NRG3: variants seen among roughly 807,000 people sequenced by gnomAD.
NRG3 encodes neuregulin 3, also known as pro-neuregulin-3, membrane-bound isoform.
In NRG3, 31 loss-of-function variants were observed where a neutral mutation model predicts 66.9. The ratio of observed to expected loss-of-function variants is 0.46; its 90% CI spans 0.35 to 0.63. The LOEUF (loss-of-function observed/expected upper bound fraction) is 0.63. Ranked by LOEUF, NRG3 falls within the 20% of genes least tolerant of loss-of-function variation. The probability of loss-of-function intolerance (pLI) is 0.00; values close to 1 mark genes in which losing one functional copy is unlikely to be tolerated. For missense variants in NRG3, 910 were observed against 878.9 expected (o/e 1.04, Z -0.45); for synonymous variants, 393 against 359.4 (o/e 1.09, Z -1.06).
intron 2 of NRG3, among the ~76,000 whole-genome samples, chr10:82,723,988 GTAAA>G (rs1565242403): frequency 6.9e-6 from 1 of 145,600 alleles, no homozygotes; most frequent in African/African-American, 2.7e-5. Flanking sequence ...TCAAAAAAAA[GTAAA>G]TAAATAAAAA....
At chr10:82,632,724 A>G (rs770810969) in intron 2 of NRG3, among the ~76,000 whole-genome samples, 6 of 152,218 alleles carry the variant, frequency 3.9e-5, no homozygotes, top group Non-Finnish European at 5.9e-5. Flanking sequence ...AATCATAGTA[A>G]TATAAATCGT....
intron 2 of NRG3, among the ~76,000 whole-genome samples, chr10:82,721,869 G>C (rs555942187): frequency 1.3e-5 from 2 of 151,904 alleles, no homozygotes; most frequent in South Asian, 4.2e-4. Flanking sequence ...GATTTAGAAT[G>C]GTATGTCTCA....
intron 2 of NRG3, among the ~76,000 whole-genome samples, chr10:82,672,956 G>A (rs1310732401): frequency 6.6e-6 from 1 of 152,192 alleles, no homozygotes; most frequent in Non-Finnish European, 1.5e-5. Context: ...TTACCATGTT[G>A]GCCAGGCTGG....
At chr10:82,946,635 A>T (rs1849047761) in intron 4 of NRG3, among the ~76,000 whole-genome samples, 1 of 152,142 alleles carries the variant, frequency 6.6e-6, no homozygotes, top group Non-Finnish European at 1.5e-5. Flanking sequence ...AGAGTGGTTG[A>T]TATGGGTGAG....
intron 1 of NRG3, among the ~76,000 whole-genome samples, chr10:82,091,635 A>G (rs770408096): frequency 2.0e-5 from 3 of 152,142 alleles, no homozygotes; most frequent in Non-Finnish European, 4.4e-5. Context: ...GTACAAACAG[A>G]TATTCGAGTC....
At chr10:82,271,783 T>G (rs995652791) in intron 1 of NRG3, among the ~76,000 whole-genome samples, 2 of 152,106 alleles carry the variant, frequency 1.3e-5, no homozygotes, top group African/African-American at 4.8e-5. Context: ...ATTCATACCT[T>G]TCTAAGGAAG....
At chr10:82,142,056 C>T (rs1288934338) in intron 1 of NRG3, among the ~76,000 whole-genome samples, 1 of 152,062 alleles carries the variant, frequency 6.6e-6, no homozygotes, top group Non-Finnish European at 1.5e-5. Context: ...CACTCTGAAT[C>T]AATTGTTACA....
chr10:81,986,141 A>G (rs2060509676), intron 1 of NRG3, among the ~76,000 whole-genome samples: 1 of 152,194 alleles, frequency 6.6e-6, no homozygotes, highest in African/African-American at 2.4e-5. Flanking sequence ...TAATTGTGAG[A>G]TGAAGCCAGG....
At chr10:82,916,772 C>G (rs1417053570) in intron 4 of NRG3, among the ~76,000 whole-genome samples, 1 of 152,204 alleles carries the variant, frequency 6.6e-6, no homozygotes, top group East Asian at 1.9e-4. Context: ...CGTGCCACCA[C>G]GCCCAGCTAA....
intron 1 of NRG3, among the ~76,000 whole-genome samples, chr10:82,087,599 C>T (rs183204867): frequency 6.6e-6 from 1 of 152,244 alleles, no homozygotes; most frequent in East Asian, 1.9e-4. Flanking sequence ...TCAATGGTAT[C>T]ATATTTATCA....
intron 2 of NRG3, among the ~76,000 whole-genome samples, chr10:82,432,832 A>T (rs1044904610): frequency 2.0e-5 from 3 of 152,172 alleles, no homozygotes; most frequent in African/African-American, 7.2e-5. Flanking sequence ...TGCATGGTGT[A>T]TATGTACAAC....
chr10:82,099,851 C>T (rs540340297), intron 1 of NRG3, among the ~76,000 whole-genome samples: 2 of 151,540 alleles, frequency 1.3e-5, no homozygotes, highest in African/African-American at 2.4e-5. Flanking sequence ...GGTCCCAGTG[C>T]CACATGCCTA....
chr10:81,909,738 A>G (rs563848308), intron 1 of NRG3, among the ~76,000 whole-genome samples: 35 of 152,356 alleles, frequency 2.3e-4, no homozygotes, highest in African/African-American at 7.7e-4. Context: ...GAAGGAAGAC[A>G]GCATTTCTCT....
intron 2 of NRG3, among the ~76,000 whole-genome samples, chr10:82,666,100 G>C (rs1485754069): frequency 6.6e-6 from 1 of 152,106 alleles, no homozygotes; most frequent in Admixed American, 6.6e-5. Context: ...GACCTCAGGT[G>C]ATCCACCCGC....
intron 1 of NRG3, among the ~76,000 whole-genome samples, chr10:82,311,869 A>C (rs894333645): frequency 6.6e-6 from 1 of 152,172 alleles, no homozygotes; most frequent in African/African-American, 2.4e-5. Context: ...TGTGATCTTG[A>C]TCCTCTCCAT....
intron 1 of NRG3, among the ~76,000 whole-genome samples, chr10:82,350,540 A>T (rs1336531748): frequency 6.6e-6 from 1 of 152,256 alleles, no homozygotes; most frequent in East Asian, 1.9e-4. Context: ...AGCCACTTCT[A>T]ACCTGAGGAG....
intron 2 of NRG3, among the ~76,000 whole-genome samples, chr10:82,536,555 G>A (rs1231665788): frequency 3.3e-5 from 5 of 152,034 alleles, no homozygotes; most frequent in Admixed American, 1.3e-4. Context: ...TTGTTTGCTC[G>A]TACTCATTTT....
chr10:82,928,941 G>A (rs771536797), intron 4 of NRG3, among the ~76,000 whole-genome samples: 18 of 152,086 alleles, frequency 1.2e-4, no homozygotes, highest in Non-Finnish European at 2.2e-4. Flanking sequence ...GGATTTCACC[G>A]AATTGCATGG....
At chr10:82,354,500 C>T (rs987601954) in intron 1 of NRG3, among the ~76,000 whole-genome samples, 2 of 151,816 alleles carry the variant, frequency 1.3e-5, no homozygotes, top group African/African-American at 2.4e-5. Context: ...AAGTGATTCT[C>T]CTGCCTCAGC....
Sources: allele counts gnomAD v4.1 joint callset (sites outside exome capture counted in the v4.1 genomes callset), GRCh38; gene constraint gnomAD v4.1.1; transcripts MANE v1.5; gene names NCBI Gene and HGNC (gene_info 2026-07-23, HGNC 2026-07-21).